CEMIP: variants seen among roughly 807,000 people sequenced by gnomAD.
The protein encoded by CEMIP is cell migration inducing hyaluronidase 1.
CEMIP carries 105 observed loss-of-function variants against 156.9 expected under a neutral mutation model. The ratio of observed to expected loss-of-function variants is 0.67; its 90% CI spans 0.57 to 0.79. CEMIP has a LOEUF of 0.79. Among genes scored for constraint, CEMIP ranks in the 30% least tolerant of loss-of-function variants. The pLI is 0.00. For missense variants in CEMIP, 1,457 were observed against 1,769.4 expected, an observed-to-expected ratio of 0.82 and a Z score of 3.17; for synonymous variants, 676 against 668.4, an observed-to-expected ratio of 1.01 and a Z score of -0.17.
At chr15:80,887,025 C>T (rs1005452662) in intron 7 of CEMIP, among the ~76,000 whole-genome samples, 5 of 152,162 alleles carry the variant, frequency 3.3e-5, no homozygotes, top group East Asian at 1.9e-4. Flanking sequence ...GGTAGCGTCT[C>T]CTGAACTTCA....
intron 1 of CEMIP, among the ~76,000 whole-genome samples, chr15:80,788,849 G>A (rs1039662124): frequency 5.3e-5 from 8 of 151,556 alleles, no homozygotes; most frequent in African/African-American, 1.2e-4. Flanking sequence ...ACGGCCAGAC[G>A]ACTCTAAAGC....
rs59025609 is a variant in CEMIP, at chr15:80,810,803, ACCATCCATCCATCCAT to A, written c.-176+31217_-176+31232del. On this transcript the variant is annotated intron_variant, in intron 1 of 29. Coordinates refer to ENST00000394685, the MANE Select transcript of CEMIP (RefSeq NM_001293298.2). ...TATATCTATCCATGTTATCCATTCA[ACCATCCATCCATCCAT>A]CCATCCATCCATCCATCCATCCATC... Among the ~76,000 whole-genome samples, 54 of 149,408 alleles carry A rather than the reference ACCATCCATCCATCCAT, an allele frequency of 3.6e-4. 1 individual carries two copies. The highest frequency in any genetic ancestry group is 4.4e-4 in the African/African-American group (18 of 40,688).
In CEMIP at chr15:80,884,312, T is replaced by A; in HGVS notation, c.755T>A (p.Met252Lys). The change falls in exon 7 of 30, where the codon ATG (methionine) becomes AAG (lysine). Residue 252 changes from methionine to lysine, a missense_variant. Transcript: ENST00000394685. ...CTGGATGACATGGCCAGGAAGGCGA[T>A]GACCAAATTGGGAAGCAAACACTTC... ...RNLDDMARKAMTKLGSKHFLH... is the reference protein window; with the variant it reads ...RNLDDMARKAKTKLGSKHFLH... The A allele has an allele frequency of 6.2e-7, 1 of 1,614,214 alleles. No individual in the cohort carries two copies.
intron 23 of CEMIP, among the ~76,000 whole-genome samples, chr15:80,934,068 A>T (rs1215549668): frequency 1.3e-5 from 2 of 152,220 alleles, no homozygotes; most frequent in Admixed American, 1.3e-4. Flanking sequence ...TTACACTTAT[A>T]GCCCACTCAA....
At chr15:80,938,592 G>C (rs527879840) in intron 25 of CEMIP, among the ~76,000 whole-genome samples, 1 of 152,286 alleles carries the variant, frequency 6.6e-6, no homozygotes, top group Non-Finnish European at 1.5e-5. Flanking sequence ...GTGACAGAGA[G>C]AGTGAGAGAT....
In CEMIP at chr15:80,893,522, C is replaced by T. The variant is rs569372722; in HGVS notation, c.1087-1468C>T. Among the ~76,000 whole-genome samples, 17 of 152,308 alleles carry T rather than the reference C, an allele frequency of 1.1e-4. No homozygotes were observed. The East Asian group carries it at 2.5e-3, about 22-fold the overall frequency. ...GGCTCAGTTCTCAATCTTACGGGGT[C>T]TCCAATTGAAGAACATGCTACCCTC... On this transcript the variant is annotated intron_variant, in intron 10 of 29. Transcript: ENST00000394685.
chr15:80,877,934 A>C (rs114325290), intron 3 of CEMIP, among the ~76,000 whole-genome samples: 4 of 152,226 alleles, frequency 2.6e-5, no homozygotes, highest in Non-Finnish European at 5.9e-5. Flanking sequence ...CCAGACAGCC[A>C]TCTAGAAACT....
intron 17 of CEMIP, 91 bp from the exon 18 acceptor site, chr15:80,924,530 C>A: frequency 2.7e-6 from 3 of 1,102,246 alleles, no homozygotes; most frequent in Non-Finnish European, 4.1e-6. Flanking sequence ...TTTCCCGGAG[C>A]ATTCAGAAGT....
At chr15:80,813,750 A>G (rs76896448) in intron 1 of CEMIP, among the ~76,000 whole-genome samples, 415 of 152,346 alleles carry the variant, frequency 2.7e-3, no homozygotes, top group Middle Eastern at 0.014. Context: ...TTGAATTCGG[A>G]CAGATGATTT....
At chr15:80,822,813 G>T (rs1381142767) in intron 1 of CEMIP, among the ~76,000 whole-genome samples, 1 of 152,130 alleles carries the variant, frequency 6.6e-6, no homozygotes, top group Non-Finnish European at 1.5e-5. Flanking sequence ...CCCCAACGTG[G>T]TGCCATTTGG....
chr15:80,821,695 A>G (rs1302159953), intron 1 of CEMIP, among the ~76,000 whole-genome samples: 2 of 152,178 alleles, frequency 1.3e-5, no homozygotes, highest in Non-Finnish European at 2.9e-5. Flanking sequence ...ACCTTTGTGT[A>G]TCCCTTACAT....
intron 1 of CEMIP, among the ~76,000 whole-genome samples, chr15:80,782,624 C>T (rs563881199): frequency 7.8e-4 from 119 of 151,926 alleles, no homozygotes; most frequent in African/African-American, 2.8e-3. Context: ...TGTGTGTGTG[C>T]GTGCATGTGA....
intron 1 of CEMIP, among the ~76,000 whole-genome samples, chr15:80,787,200 G>A (rs539854823): frequency 3.9e-5 from 6 of 152,344 alleles, no homozygotes; most frequent in Non-Finnish European, 1.5e-5. Context: ...CCTTAGAAAG[G>A]GAACTGAAGA....
chr15:80,885,303 G>A (rs959559108), intron 7 of CEMIP, among the ~76,000 whole-genome samples: 24 of 152,204 alleles, frequency 1.6e-4, no homozygotes, highest in African/African-American at 5.6e-4. Context: ...AATTTTGCTG[G>A]CTGGGCAGAA....
chr15:80,863,935 T>C (rs1355332257), intron 1 of CEMIP, among the ~76,000 whole-genome samples: 1 of 152,130 alleles, frequency 6.6e-6, no homozygotes, highest in East Asian at 1.9e-4. Context: ...TCCAGTCCTC[T>C]CCTTTGCCTT....
intron 1 of CEMIP, among the ~76,000 whole-genome samples, chr15:80,788,513 GA>G (rs1896002150): frequency 6.7e-6 from 1 of 150,170 alleles, no homozygotes. Context: ...AAAAGAAAAA[GA>G]AAAACATTTC....
chr15:80,900,585 G>GGGTGTGTGTGT (rs1218716074), intron 12 of CEMIP, among the ~76,000 whole-genome samples: 2 of 74,934 alleles, frequency 2.7e-5, no homozygotes, highest in Non-Finnish European at 5.0e-5. Context: ...CCCAGGTAGG[G>GGGTGTGTGTGT]GTGTGTGTGT....
intron 11 of CEMIP, 115 bp downstream of exon 11, chr15:80,895,237 CT>C: frequency 7.1e-7 from 1 of 1,410,774 alleles, no homozygotes; most frequent in Non-Finnish European, 9.9e-7. Flanking sequence ...AAGGAGAGCA[CT>C]TTTGTGACAC....
At chr15:80,873,339 C>T (rs1295971999) in intron 1 of CEMIP, among the ~76,000 whole-genome samples, 199 bp from the exon 2 acceptor site, 2 of 152,008 alleles carry the variant, frequency 1.3e-5, no homozygotes, top group South Asian at 4.1e-4. Flanking sequence ...TATTATTATC[C>T]GGGACTGGAT....
Sources: gnomAD v4.1 joint callset for allele counts (sites outside exome capture counted in the v4.1 genomes callset) on GRCh38, gnomAD v4.1.1 for gene constraint, MANE v1.5 for transcripts, NCBI Gene and HGNC (gene_info 2026-07-23, HGNC 2026-07-21) for gene names.